LDLRAD4: variants seen among roughly 807,000 people sequenced by gnomAD.
LDLRAD4 encodes the protein low-density lipoprotein receptor class A domain-containing protein 4.
LDLRAD4 carries 5 observed loss-of-function variants against 17.0 expected under a neutral mutation model. The ratio of observed to expected loss-of-function variants is 0.29; its 90% CI spans 0.15 to 0.62. LDLRAD4 has a LOEUF of 0.62. LDLRAD4 is among the 20% of genes least tolerant of loss of function. The probability of loss-of-function intolerance (pLI) is 0.84; values close to 1 mark genes in which losing one functional copy is unlikely to be tolerated. For synonymous variants in LDLRAD4, 168 were observed against 171.8 expected (o/e 0.98, Z 0.17); for missense variants, 340 against 424.7 (o/e 0.80, Z 1.75).
At chr18:13,587,138 A>G (rs2094946655) in intron 3 of LDLRAD4, among the ~76,000 whole-genome samples, 1 of 152,112 alleles carries the variant, frequency 6.6e-6, no homozygotes, top group Non-Finnish European at 1.5e-5. Context: ...AATCTCCTAG[A>G]TGGCTCTGTA....
chr18:13,415,005 G>C (rs1198973366), intron 2 of LDLRAD4, among the ~76,000 whole-genome samples: 1 of 152,236 alleles, frequency 6.6e-6, no homozygotes, highest in Non-Finnish European at 1.5e-5. Flanking sequence ...AAAGATTGCT[G>C]TGTAGTAATT....
chr18:13,322,784 ATTT>A (rs34579599), intron 1 of LDLRAD4, among the ~76,000 whole-genome samples: 285 of 130,414 alleles, frequency 2.2e-3, no homozygotes, highest in Middle Eastern at 0.016. Flanking sequence ...TACATGGCTA[ATTT>A]TTTTTTTTTT....
upstream of LDLRAD4, among the ~76,000 whole-genome samples, chr18:13,276,719 C>T (rs114002200): frequency 0.012 from 1,777 of 152,284 alleles, 41 homozygotes; most frequent in African/African-American, 0.041. Context: ...GTCACTCCCT[C>T]GTTGCGGACT....
At chr18:13,620,593 G>A (rs2040534378) in intron 3 of LDLRAD4, among the ~76,000 whole-genome samples, 1 of 152,220 alleles carries the variant, frequency 6.6e-6, no homozygotes, top group African/African-American at 2.4e-5. Context: ...TGTGTCAATG[G>A]CATTTAAGGA....
At chr18:13,316,334 G>T (rs1257457111) in intron 1 of LDLRAD4, among the ~76,000 whole-genome samples, 2 of 152,206 alleles carry the variant, frequency 1.3e-5, no homozygotes, top group Admixed American at 1.3e-4. Context: ...AGTCTTTAAA[G>T]TGGAGAAAGT....
chr18:13,598,135 T>C (rs2095117543), intron 3 of LDLRAD4, among the ~76,000 whole-genome samples: 1 of 152,254 alleles, frequency 6.6e-6, no homozygotes, highest in Non-Finnish European at 1.5e-5. Context: ...ATATATTGTA[T>C]TGACTCCTCT....
chr18:13,360,588 A>G (rs538067631), intron 1 of LDLRAD4, among the ~76,000 whole-genome samples: 42 of 152,388 alleles, frequency 2.8e-4, no homozygotes, highest in Non-Finnish European at 5.3e-4. Context: ...TGAAAAGAGC[A>G]TAAGTAGACA....
At chr18:13,267,128 A>G (rs2044264316) in intron 1 of LDLRAD4, among the ~76,000 whole-genome samples, 1 of 152,272 alleles carries the variant, frequency 6.6e-6, no homozygotes, top group Non-Finnish European at 1.5e-5. Context: ...AGTGACACCT[A>G]TCTTTGCAAA....
intron 3 of LDLRAD4, among the ~76,000 whole-genome samples, chr18:13,537,678 A>G (rs1438266156): frequency 3.9e-5 from 6 of 152,170 alleles, no homozygotes; most frequent in African/African-American, 1.4e-4. Context: ...CTGCTGCTCC[A>G]ACCACCATTA....
intron 3 of LDLRAD4, among the ~76,000 whole-genome samples, chr18:13,570,655 T>C (rs149293922): frequency 2.6e-5 from 4 of 152,324 alleles, no homozygotes; most frequent in African/African-American, 7.2e-5. Context: ...TCCCAGTTAA[T>C]TGGGAGATCC....
At chr18:13,540,348 A>G (rs972147431) in intron 3 of LDLRAD4, among the ~76,000 whole-genome samples, 2 of 152,272 alleles carry the variant, frequency 1.3e-5, no homozygotes, top group Non-Finnish European at 2.9e-5. Context: ...TTGTAAGGGC[A>G]CTAATGTTTG....
At chr18:13,592,759 A>G (rs2095044827) in intron 3 of LDLRAD4, among the ~76,000 whole-genome samples, 1 of 152,234 alleles carries the variant, frequency 6.6e-6, no homozygotes, top group African/African-American at 2.4e-5. Context: ...AGATAAAAAA[A>G]TATAATTTGT....
chr18:13,327,511 G>C (rs927719812), intron 1 of LDLRAD4, among the ~76,000 whole-genome samples: 1 of 152,088 alleles, frequency 6.6e-6, no homozygotes, highest in African/African-American at 2.4e-5. Flanking sequence ...TGAAATCAAA[G>C]CCAGATTTCA....
At chr18:13,389,422 G>A (rs1489101199) in intron 2 of LDLRAD4, among the ~76,000 whole-genome samples, 1 of 152,186 alleles carries the variant, frequency 6.6e-6, no homozygotes, top group Non-Finnish European at 1.5e-5. Context: ...AAGTGGCTGG[G>A]TGTGTGCTCA....
At chr18:13,596,084 TTCTTTCTGATGGAATGAAC>T (rs1330460893) in intron 3 of LDLRAD4, among the ~76,000 whole-genome samples, 2 of 152,262 alleles carry the variant, frequency 1.3e-5, no homozygotes, top group African/African-American at 4.8e-5. Context: ...TAACTGTTCA[TTCTTTCTGATGGAATGAAC>T]TCTTTGTCAT....
intron 3 of LDLRAD4, among the ~76,000 whole-genome samples, chr18:13,444,690 A>G (rs1415244599): frequency 6.6e-6 from 1 of 152,232 alleles, no homozygotes; most frequent in East Asian, 1.9e-4. Flanking sequence ...TGCCAGGTGA[A>G]CAGTGCCCAT....
intron 1 of LDLRAD4, among the ~76,000 whole-genome samples, chr18:13,384,456 T>A (rs1367964625): frequency 6.6e-6 from 1 of 152,244 alleles, no homozygotes; most frequent in Admixed American, 6.5e-5. Context: ...TTTTGAAATA[T>A]GTGATACTTT....
At chr18:13,598,146 A>G (rs2095117627) in intron 3 of LDLRAD4, among the ~76,000 whole-genome samples, 1 of 152,224 alleles carries the variant, frequency 6.6e-6, no homozygotes, top group Non-Finnish European at 1.5e-5. Context: ...TGACTCCTCT[A>G]GAGACGGATT....
chr18:13,230,299 C>T (rs913326956), intron 1 of LDLRAD4, among the ~76,000 whole-genome samples: 1 of 152,158 alleles, frequency 6.6e-6, no homozygotes, highest in Non-Finnish European at 1.5e-5. Flanking sequence ...GAAGGTATTT[C>T]GTTACAGCAG....
Sources: allele counts gnomAD v4.1 joint callset (sites outside exome capture counted in the v4.1 genomes callset), GRCh38; gene constraint gnomAD v4.1.1; transcripts MANE v1.5; gene names NCBI Gene and HGNC (gene_info 2026-07-23, HGNC 2026-07-21).